The following CSMD3 variants were observed in gnomAD, a reference collection of about 807,000 sequenced individuals.
The protein encoded by CSMD3 is CUB and Sushi multiple domains 3.
Under a neutral mutation model 435.2 loss-of-function variants are expected in CSMD3, and 177 were observed. The observed-to-expected ratio is 0.41, with a 90% CI of 0.36 to 0.46. The LOEUF (loss-of-function observed/expected upper bound fraction) is 0.46. Ranked by LOEUF, CSMD3 falls within the 20% of genes least tolerant of loss-of-function variation. The pLI, the probability that CSMD3 is intolerant of heterozygous loss-of-function variation, is 0.34. For missense variants in CSMD3, 4,265 were observed against 4,504.6 expected (o/e 0.95, Z 1.52); for synonymous variants, 1,656 against 1,520.5 (o/e 1.09, Z -2.07).
At chr8:112,913,600 A>G (rs2082488603) in intron 10 of CSMD3, among the ~76,000 whole-genome samples, 2 of 151,886 alleles carry the variant, frequency 1.3e-5, no homozygotes, top group Non-Finnish European at 2.9e-5. Context: ...CATTGCAGGT[A>G]GAGATTTTTC....
chr8:113,105,459 G>A (rs544972048), intron 4 of CSMD3, among the ~76,000 whole-genome samples: 3 of 152,024 alleles, frequency 2.0e-5, no homozygotes, highest in South Asian at 4.1e-4. Flanking sequence ...CAGAAGAAAA[G>A]GACTCAAAAG....
chr8:113,204,454 T>C (rs2092749195), intron 3 of CSMD3, among the ~76,000 whole-genome samples: 1 of 152,116 alleles, frequency 6.6e-6, no homozygotes, highest in South Asian at 2.1e-4. Context: ...ATTAAGCTTA[T>C]AAAGTAAAAA....
intron 6 of CSMD3, among the ~76,000 whole-genome samples, chr8:112,995,548 T>G (rs1366467764): frequency 1.3e-5 from 2 of 151,430 alleles, no homozygotes; most frequent in Non-Finnish European, 3.0e-5. Flanking sequence ...TGATGAATAT[T>G]TAATTTAAAA....
intron 1 of CSMD3, among the ~76,000 whole-genome samples, chr8:113,423,462 G>C (rs1025988832): frequency 6.6e-6 from 1 of 151,972 alleles, no homozygotes; most frequent in Non-Finnish European, 1.5e-5. Context: ...TATGTAAATT[G>C]TCAGTGATAC....
intron 64 of CSMD3, among the ~76,000 whole-genome samples, chr8:112,246,203 G>A (rs1814709054): frequency 6.6e-6 from 1 of 152,134 alleles, no homozygotes; most frequent in Non-Finnish European, 1.5e-5. Context: ...AAAGTAAGCT[G>A]CTGGTCCCTA....
intron 4 of CSMD3, among the ~76,000 whole-genome samples, chr8:113,118,236 C>A (rs971077948): frequency 1.3e-5 from 2 of 152,168 alleles, no homozygotes; most frequent in Non-Finnish European, 2.9e-5. Flanking sequence ...GACTACATTA[C>A]TAATACATTA....
chr8:112,692,234 A>C (rs138657590), intron 13 of CSMD3, among the ~76,000 whole-genome samples: 1 of 151,562 alleles, frequency 6.6e-6, no homozygotes, highest in African/African-American at 2.4e-5. Flanking sequence ...GAACTTTTTT[A>C]GTATATTTTC....
At chr8:113,277,204 G>A (rs1352119806) in intron 3 of CSMD3, among the ~76,000 whole-genome samples, 3 of 152,002 alleles carry the variant, frequency 2.0e-5, no homozygotes, top group East Asian at 1.9e-4. Flanking sequence ...ATTAAACTTT[G>A]TGGTTATAGT....
intron 3 of CSMD3, among the ~76,000 whole-genome samples, chr8:113,184,237 G>C (rs6469452): frequency 0.68 from 103,475 of 151,924 alleles, 37,064 homozygotes; most frequent in East Asian, 0.95. Flanking sequence ...CCTTCAGGAA[G>C]CTCCAGATGT....
intron 27 of CSMD3, among the ~76,000 whole-genome samples, chr8:112,518,021 A>G (rs947939667): frequency 6.6e-6 from 1 of 152,216 alleles, no homozygotes; most frequent in Non-Finnish European, 1.5e-5. Context: ...CCCAAATGTC[A>G]TTCAACAGGT....
chr8:112,708,337 GT>G (rs2076541462), intron 13 of CSMD3, among the ~76,000 whole-genome samples: 1 of 152,042 alleles, frequency 6.6e-6, no homozygotes, highest in Admixed American at 6.6e-5. Context: ...CTTACATCTG[GT>G]TATAATGGAG....
At chr8:113,338,950 A>G (rs1285980378) in intron 1 of CSMD3, among the ~76,000 whole-genome samples, 1 of 151,936 alleles carries the variant, frequency 6.6e-6, no homozygotes, top group African/African-American at 2.4e-5. Context: ...CTGTTTAATT[A>G]CACTTTAAAA....
At chr8:112,488,331 G>C (rs1199954425) in intron 31 of CSMD3, among the ~76,000 whole-genome samples, 1 of 152,106 alleles carries the variant, frequency 6.6e-6, no homozygotes, top group Non-Finnish European at 1.5e-5. Context: ...CGCTAAACAC[G>C]ATATTATAGC....
At chr8:112,848,896 T>C (rs1209545200) in intron 11 of CSMD3, among the ~76,000 whole-genome samples, 1 of 152,120 alleles carries the variant, frequency 6.6e-6, no homozygotes, top group Admixed American at 6.6e-5. Flanking sequence ...ACCAGTCCCT[T>C]GACCTCCTTC....
intron 3 of CSMD3, among the ~76,000 whole-genome samples, chr8:113,245,367 A>C (rs771424260): frequency 1.3e-5 from 2 of 151,810 alleles, no homozygotes; most frequent in Non-Finnish European, 2.9e-5. Flanking sequence ...TATTGTATTA[A>C]ATATATGTCC....
At chr8:113,077,443 T>C (rs1186727088) in intron 5 of CSMD3, among the ~76,000 whole-genome samples, 1 of 152,196 alleles carries the variant, frequency 6.6e-6, no homozygotes, top group Non-Finnish European at 1.5e-5. Flanking sequence ...GGCTCACGCC[T>C]GTAATCCCAG....
chr8:112,549,709 A>T (rs1827507239), intron 27 of CSMD3, among the ~76,000 whole-genome samples: 1 of 152,032 alleles, frequency 6.6e-6, no homozygotes, highest in African/African-American at 2.4e-5. Context: ...AATACCAAAT[A>T]CTGTGCACAC....
intron 6 of CSMD3, among the ~76,000 whole-genome samples, chr8:112,998,934 C>T (rs1013397650): frequency 1.3e-5 from 2 of 152,014 alleles, no homozygotes; most frequent in African/African-American, 4.8e-5. Context: ...CCCAGCCACA[C>T]TTTCTGTACA....
At chr8:113,175,591 C>A (rs1052135314) in intron 3 of CSMD3, among the ~76,000 whole-genome samples, 3 of 151,814 alleles carry the variant, frequency 2.0e-5, no homozygotes, top group African/African-American at 7.3e-5. Flanking sequence ...GAATTTTGAG[C>A]AACTTTTAAA....
Sources: allele counts gnomAD v4.1 joint callset (sites outside exome capture counted in the v4.1 genomes callset), GRCh38; gene constraint gnomAD v4.1.1; transcripts MANE v1.5; gene names NCBI Gene and HGNC (gene_info 2026-07-23, HGNC 2026-07-21).